The following TENM3 variants were observed in gnomAD, a reference collection of about 807,000 sequenced individuals.
TENM3 encodes the protein teneurin-3.
TENM3 carries 63 observed loss-of-function variants against 255.1 expected under a neutral mutation model. The ratio of observed to expected loss-of-function variants is 0.25; its 90% CI spans 0.20 to 0.30. The LOEUF (loss-of-function observed/expected upper bound fraction) is 0.30. Ranked by LOEUF, TENM3 falls within the 10% of genes least tolerant of loss-of-function variation. The pLI, the probability that TENM3 is intolerant of heterozygous loss-of-function variation, is 1.00. For missense variants in TENM3, 2,929 were observed against 3,461.1 expected (o/e 0.85, Z 3.86); for synonymous variants, 1,306 against 1,322.3 (o/e 0.99, Z 0.27).
At chr4:181,815,325 G>A in the TENM3 span, among the ~76,000 whole-genome samples, 1 of 151,762 alleles carries the variant, frequency 6.6e-6, no homozygotes, top group Non-Finnish European at 1.5e-5. Context: ...ATCTGGGCAT[G>A]ATGGCATGTG....
chr4:182,182,255 G>A (rs1449605427), intron 1 of TENM3, among the ~76,000 whole-genome samples: 1 of 152,138 alleles, frequency 6.6e-6, no homozygotes, highest in Non-Finnish European at 1.5e-5. Flanking sequence ...ATTCTATGAT[G>A]CCAATAGAAT....
At chr4:181,901,828 A>T in the TENM3 span, among the ~76,000 whole-genome samples, 1 of 152,164 alleles carries the variant, frequency 6.6e-6, no homozygotes, top group Non-Finnish European at 1.5e-5. Context: ...TCAAATTATT[A>T]TTATAAAGTA....
chr4:182,232,755 TC>T (rs1756663858), intron 1 of TENM3, among the ~76,000 whole-genome samples: 2 of 152,058 alleles, frequency 1.3e-5, no homozygotes, highest in Non-Finnish European at 2.9e-5. Flanking sequence ...TTCCAGGACT[TC>T]CAGCAGATGC....
At chr4:182,303,329 A>T (rs1411333068) in intron 1 of TENM3, among the ~76,000 whole-genome samples, 1 of 152,164 alleles carries the variant, frequency 6.6e-6, no homozygotes, top group African/African-American at 2.4e-5. Context: ...CTGTGCTGGG[A>T]CGTGCCACTG....
intron 1 of TENM3, among the ~76,000 whole-genome samples, chr4:182,221,168 A>G (rs1184474147): frequency 6.6e-6 from 1 of 152,236 alleles, no homozygotes; most frequent in Non-Finnish European, 1.5e-5. Context: ...TTTTATCAAA[A>G]TAAGGAGGAA....
chr4:181,476,907 C>G, the TENM3 span, among the ~76,000 whole-genome samples: 1 of 152,178 alleles, frequency 6.6e-6, no homozygotes, highest in Non-Finnish European at 1.5e-5. Context: ...TGCAGCAATC[C>G]TAATAGCTCA....
the TENM3 span, among the ~76,000 whole-genome samples, chr4:181,457,554 C>T: frequency 6.6e-6 from 1 of 151,778 alleles, no homozygotes; most frequent in African/African-American, 2.4e-5. Context: ...TTTTGAACCA[C>T]ATACAGAGTA....
the TENM3 span, among the ~76,000 whole-genome samples, chr4:181,752,561 T>A: frequency 6.6e-6 from 1 of 151,600 alleles, no homozygotes; most frequent in Non-Finnish European, 1.5e-5. Flanking sequence ...CAAAAAAAAA[T>A]AAAAATGGAA....
intron 1 of TENM3, among the ~76,000 whole-genome samples, chr4:182,152,719 G>C (rs1302645957): frequency 6.7e-6 from 1 of 148,710 alleles, no homozygotes; most frequent in Non-Finnish European, 1.5e-5. Context: ...CTTTACTAAA[G>C]ATAAAGTACT....
intron 3 of TENM3, among the ~76,000 whole-genome samples, chr4:182,396,878 C>T (rs1201612891): frequency 1.3e-5 from 2 of 152,148 alleles, no homozygotes; most frequent in East Asian, 3.9e-4. Flanking sequence ...AGGAGAATTG[C>T]TTGTACGCGA....
At chr4:182,182,042 T>C (rs1464962778) in intron 1 of TENM3, among the ~76,000 whole-genome samples, 1 of 152,196 alleles carries the variant, frequency 6.6e-6, no homozygotes, top group Non-Finnish European at 1.5e-5. Flanking sequence ...AATTCTAGCA[T>C]GCATTTTTAA....
intron 3 of TENM3, among the ~76,000 whole-genome samples, chr4:182,364,485 C>T (rs996072922): frequency 5.3e-5 from 8 of 152,276 alleles, no homozygotes; most frequent in Non-Finnish European, 7.3e-5. Flanking sequence ...GGCGCGATCT[C>T]GGCTCACTGC....
chr4:181,916,233 G>C, the TENM3 span, among the ~76,000 whole-genome samples: 2 of 152,186 alleles, frequency 1.3e-5, no homozygotes, highest in Admixed American at 1.3e-4. Flanking sequence ...TTCTAGGCTA[G>C]ATTAGTGCCT....
At chr4:182,263,872 G>T (rs988746312) in intron 1 of TENM3, among the ~76,000 whole-genome samples, 12 of 152,272 alleles carry the variant, frequency 7.9e-5, no homozygotes, top group African/African-American at 2.9e-4. Flanking sequence ...TTGATATTGG[G>T]TGCTAAGCAG....
chr4:182,782,633 CT>C (rs1385078460), intron 24 of TENM3, among the ~76,000 whole-genome samples: 1 of 40,662 alleles, frequency 2.5e-5, no homozygotes, highest in African/African-American at 1.2e-4. Context: ...TCTCGTTGAT[CT>C]GTCTAATGTT....
the TENM3 span, among the ~76,000 whole-genome samples, chr4:181,860,859 A>C: frequency 6.6e-6 from 1 of 152,144 alleles, no homozygotes; most frequent in South Asian, 2.1e-4. Context: ...ATGTTTATTT[A>C]TTCAGCTGGC....
chr4:182,144,966 G>C (rs1749833435), intron 1 of TENM3: 1 of 151,922 alleles, frequency 6.6e-6, no homozygotes, highest in Non-Finnish European at 1.5e-5. Flanking sequence ...CCGGCCGCCG[G>C]CTCAGGTGGG....
chr4:181,530,650 G>T, the TENM3 span, among the ~76,000 whole-genome samples: 3 of 152,150 alleles, frequency 2.0e-5, no homozygotes, highest in Non-Finnish European at 4.4e-5. Context: ...TGGAAAATAT[G>T]CATCTTCCTT....
chr4:182,086,000 A>G, the TENM3 span, among the ~76,000 whole-genome samples: 1 of 152,172 alleles, frequency 6.6e-6, no homozygotes, highest in Non-Finnish European at 1.5e-5. Flanking sequence ...TTTAAATAAT[A>G]GCTTGTAAAT....
Sources: gnomAD v4.1 joint callset for allele counts (sites outside exome capture counted in the v4.1 genomes callset) on GRCh38, gnomAD v4.1.1 for gene constraint, MANE v1.5 for transcripts, NCBI Gene and HGNC (gene_info 2026-07-23, HGNC 2026-07-21) for gene names.